The following MTA2 variants were observed in gnomAD, a reference collection of about 807,000 sequenced individuals.
MTA2 encodes metastasis-associated protein MTA2.
MTA2 carries 22 observed loss-of-function variants against 87.1 expected under a neutral mutation model. The observed-to-expected ratio is 0.25, with a 90% CI of 0.18 to 0.36. The LOEUF is 0.36. MTA2 is among the 10% of genes least tolerant of loss of function. MTA2 has a pLI of 1.00. For synonymous variants in MTA2, 314 were observed against 310.1 expected (o/e 1.01, Z -0.13); for missense variants, 542 against 853.2 (o/e 0.64, Z 4.54).
Position 62,601,458 on chromosome 11 carries a change from C to G in MTA2, c.-8G>C, listed in dbSNP as rs1565047093. 6.2e-7 allele frequency: 1 copy of G among 1,608,874 alleles called. No individual in the cohort carries two copies. Among genetic ancestry groups the G allele is most frequent in the East Asian group, 2.2e-5 (1 of 44,500 alleles). ...GTACATGTTGGCCGCCATGGCCGTT[C>G]CCGCCGCCGCCTCCGGCCGCACAAA... On this transcript the variant is annotated 5_prime_UTR_variant, in exon 1 of 18. Transcript: ENST00000278823.
rs1223211702 is a variant in MTA2, at chr11:62,597,433, A to G, written c.594-18T>C. 1 of 1,602,448 alleles carries G rather than the reference A, an allele frequency of 6.2e-7. No individual in the cohort carries two copies. The highest frequency in any genetic ancestry group is 8.5e-7 in the Non-Finnish European group (1 of 1,174,732). ...CCACAGCTCTAAGGGAGAAATTGAG[A>G]AGTCAAAAGCGAAAGAAAAGTCAAA... On this transcript the variant is annotated intron_variant, in intron 7 of 17. Coordinates refer to ENST00000278823, the MANE Select transcript of MTA2 (RefSeq NM_004739.4).
At position 62,597,245 on chromosome 11, in the gene MTA2, T is replaced by C. The variant is rs1213746341; in HGVS notation, c.693+71A>G. 3 of 1,046,878 alleles carry C rather than the reference T, an allele frequency of 2.9e-6. No homozygotes were observed. In the African/African-American group the frequency reaches 4.8e-5, roughly 17 times the overall value. 64.8% of individuals were successfully genotyped at this position (1,046,878 alleles called of 1,614,324 possible). On this transcript the variant is annotated intron_variant, in intron 8 of 17. Transcript: ENST00000278823. ...TCCCACTCCCTCAGAGATACCCTCC[T>C]CTTCTGTTCCCAGGCTCTGCAAGTC...
rs1942086803 is a variant in MTA2, at chr11:62,595,540, G to T, written c.1255-48C>A. On this transcript the variant is annotated intron_variant, in intron 13 of 17. Transcript: ENST00000278823. This position sits in a 1 kb window ranked among gnomAD's most constrained non-coding sequence, Gnocchi z 4.9. ...AGAGAGAGCAGAAATCAGCACTGAG[G>T]CTCCCTTCTTTCTTCCATTCCCTGC... 4.4e-6 allele frequency: 7 copies of T among 1,595,460 alleles called. No homozygotes were observed. Among genetic ancestry groups the T allele is most frequent in the Non-Finnish European group, 6.0e-6 (7 of 1,165,478 alleles).
rs929769644 is a variant in MTA2, at chr11:62,601,335, C to G, written c.28+88G>C. On this transcript the variant is annotated intron_variant, in intron 1 of 17. Coordinates refer to ENST00000278823, the MANE Select transcript of MTA2 (RefSeq NM_004739.4). Reference sequence around the variant, plus strand: ...CCGGTCCACGCTGCCCCATACGCTGCGCCTCGCGCCACCCGGTGCCGAGCC... The same window carrying G: ...CCGGTCCACGCTGCCCCATACGCTGGGCCTCGCGCCACCCGGTGCCGAGCC... 12 of 1,505,744 alleles carry G rather than the reference C, an allele frequency of 8.0e-6. No homozygotes were observed. In the African/African-American group the frequency reaches 1.3e-4, roughly 16 times the overall value. The allele number at this position is 1,505,744 out of a possible 1,614,324, so 93.3% of individuals were successfully genotyped here.
chr11:62,594,263 T>C lies in MTA2; in HGVS notation c.1837A>G (p.Thr613Ala). Residue 613 changes from threonine (T) to alanine (A), a missense_variant, in exon 17 of 18, where the codon ACC becomes GCC. This residue lies in a region of MTA2 where 269 missense variants were observed against 346.4 expected (regional missense o/e 0.78). Coordinates refer to ENST00000278823, the MANE Select transcript of MTA2 (RefSeq NM_004739.4). ...NPVVFVATKD[T>A]RALRKALTHL... The stretch of plus-strand genomic sequence containing the variant: ...CTCCCATGGTAGACGCCTTACCTGG[T>C]ATCCTTTGTGGCCACAAACACCACA... 6.2e-7 allele frequency: 1 copy of C among 1,614,166 alleles called. No individual in the cohort carries two copies.
In MTA2 at chr11:62,598,185, T is replaced by C. The variant is rs767976338; in HGVS notation, c.373-44A>G. 8 of 1,597,990 alleles carry C rather than the reference T, an allele frequency of 5.0e-6. No individual in the cohort carries two copies. In the African/African-American group the frequency reaches 6.7e-5, roughly 13 times the overall value. ...AAGGTAAGCAAGGCAGCAATCCACA[T>C]AGGCGGCGGGGAGGGAGGTGTATCT... is the stretch of plus-strand genomic sequence containing the variant. On this transcript the variant is annotated intron_variant, in intron 5 of 17. Transcript: ENST00000278823.
At chr11:62,599,337 T>C (rs1942143704) in intron 3 of MTA2, 1 of 152,484 alleles carries the variant, frequency 6.6e-6, no homozygotes, top group African/African-American at 2.4e-5. Context: ...CACCCCTCGC[T>C]TGTGTGCTCC....
rs1053881078 is a variant in MTA2 at position 62,593,779 on chromosome 11, ACTC to A, written c.*93_*95del. 5.4e-6 allele frequency: 8 copies of A among 1,475,218 alleles called. No homozygotes were observed. Among genetic ancestry groups the A allele is most frequent in the Admixed American group, 2.0e-5 (1 of 50,422 alleles). The allele number at this position is 1,475,218 out of a possible 1,614,324, so 91.4% of individuals were successfully genotyped here. On this transcript the variant is annotated 3_prime_UTR_variant, in exon 18 of 18. Transcript: ENST00000278823. ...ACTCACTTGCTCTCTTCCTTAATTCACTCCTCACTCCCTTCGACACGAAAGGGA... is the reference window on the plus strand; with the variant it reads ...ACTCACTTGCTCTCTTCCTTAATTCACTCACTCCCTTCGACACGAAAGGGA...
chr11:62,595,628 C>CAGCA lies in MTA2; in HGVS notation c.1254+120_1254+123dup, dbSNP rs1590729903. ...CTCTTGGCCTATGTGTCTCCCCAACCAGCATCAAGCACCCCGTCCATCAAA... is the reference window on the plus strand; with the variant it reads ...CTCTTGGCCTATGTGTCTCCCCAACCAGCAAGCATCAAGCACCCCGTCCATCAAA... On this transcript the variant is annotated intron_variant, in intron 13 of 17. Transcript: ENST00000278823. This position sits in a 1 kb window ranked among gnomAD's most constrained non-coding sequence, Gnocchi z 4.9. The CAGCA allele has an allele frequency of 4.6e-6, 7 of 1,524,248 alleles. No individual in the cohort carries two copies. The East Asian group carries it at 1.6e-4, about 34-fold the overall frequency. The allele number at this position is 1,524,248 out of a possible 1,614,324, so 94.4% of individuals were successfully genotyped here. A position where few individuals can be genotyped will look rare whatever the true frequency, so the allele number is the denominator to read the frequency against.
intron 1 of MTA2, 143 bp downstream of exon 1, chr11:62,601,280 C>T (rs1475464986): frequency 1.9e-6 from 2 of 1,059,946 alleles, no homozygotes; most frequent in African/African-American, 1.6e-5. Context: ...CCTCTCTCCT[C>T]GTCTCCCGGT....
At position 62,595,666 on chromosome 11, in the gene MTA2, A is replaced by C; in HGVS notation, c.1254+86T>G. ...CCCGTCCATCAAACCATCACCATAT[A>C]AAGAGTTGAATATTCTGGCCTTCAC... On this transcript the variant is annotated intron_variant, in intron 13 of 17. Coordinates refer to ENST00000278823, the MANE Select transcript of MTA2 (RefSeq NM_004739.4). The surrounding 1 kb of genome is among the most constrained non-coding windows in gnomAD (Gnocchi z 4.9). 6.4e-7 allele frequency: 1 copy of C among 1,571,936 alleles called. No individual in the cohort carries two copies.
chr11:62,600,079 G>T (rs999272754), intron 3 of MTA2, 87 bp downstream of exon 3: 1 of 1,257,706 alleles, frequency 8.0e-7, no homozygotes, highest in Non-Finnish European at 1.1e-6. Context: ...CTCTGCCTTG[G>T]GCATGCTACC....
intron 6 of MTA2, 151 bp from the exon 7 acceptor site, chr11:62,597,863 T>C (rs945935415): frequency 9.7e-7 from 1 of 1,029,142 alleles, no homozygotes; most frequent in African/African-American, 1.6e-5. Context: ...ATTTTCCCTT[T>C]TCAGGTTCCT....
chr11:62,600,716 C>T (rs1311188886), intron 1 of MTA2, 27 bp from the exon 2 acceptor site: 2 of 1,603,366 alleles, frequency 1.2e-6, no homozygotes, highest in South Asian at 1.1e-5. Context: ...GGGGGAGAAC[C>T]ACGAAGATCA....
intron 2 of MTA2, 43 bp downstream of exon 2, chr11:62,600,579 A>G: frequency 1.9e-6 from 3 of 1,543,604 alleles, no homozygotes; most frequent in Non-Finnish European, 2.7e-6. Flanking sequence ...ACCTCAGAAG[A>G]GACCACTGCG....
At position 62,595,512 on chromosome 11, in the gene MTA2, AAGAG is replaced by A. The variant is rs761721742; in HGVS notation, c.1255-24_1255-21del. ...TGGCTCCTAGAAGAAGAGCATAGGA[AAGAG>A]AGAGAGCAGAAATCAGCACTGAGGC... is the stretch of plus-strand genomic sequence containing the variant. On this transcript the variant is annotated intron_variant, in intron 13 of 17. Coordinates refer to ENST00000278823, the MANE Select transcript of MTA2 (RefSeq NM_004739.4). The surrounding 1 kb of genome is among the most constrained non-coding windows in gnomAD (Gnocchi z 4.9). 6 of 1,612,464 alleles carry A rather than the reference AAGAG, an allele frequency of 3.7e-6. 1 individual carries two copies. Among genetic ancestry groups the A allele is most frequent in the South Asian group, 2.2e-5 (2 of 91,064 alleles).
chr11:62,600,067 AC>A (rs758745926), intron 3 of MTA2, 98 bp downstream of exon 3: 3 of 1,113,746 alleles, frequency 2.7e-6, no homozygotes, highest in Non-Finnish European at 3.9e-6. Context: ...CCAAACTCAC[AC>A]CTCTGCCTTG....
intron 8 of MTA2, among the ~76,000 whole-genome samples, chr11:62,597,052 G>A (rs903791831): frequency 1.3e-5 from 2 of 152,162 alleles, no homozygotes; most frequent in African/African-American, 4.8e-5. Context: ...AGCCAGGCGT[G>A]GTGGCGGGTG....
rs113449558 is a variant in MTA2, at chr11:62,599,039, T to C, written c.191-400A>G. 5.9e-5 allele frequency among the ~76,000 whole-genome samples: 9 copies of C among 152,352 alleles called. 2 individuals carry two copies. Among genetic ancestry groups the C allele is most frequent in the African/African-American group, 1.9e-4 (8 of 41,576 alleles). On this transcript the variant is annotated intron_variant, in intron 3 of 17. Coordinates refer to ENST00000278823, the MANE Select transcript of MTA2 (RefSeq NM_004739.4). ...CACAAGACTGTGTTTACCAGTTCTT[T>C]TCAATTTCAGGAGACTCTTTGCTCT...
Sources: allele counts gnomAD v4.1 joint callset (sites outside exome capture counted in the v4.1 genomes callset), GRCh38; gene constraint gnomAD v4.1.1; regional missense constraint gnomAD v4.1.1; non-coding constraint Gnocchi (gnomAD v3.1); transcripts MANE v1.5; gene names NCBI Gene and HGNC (gene_info 2026-07-23, HGNC 2026-07-21).